The following AKAP10 variants were observed in gnomAD, a reference collection of about 807,000 sequenced individuals.
AKAP10 encodes the protein A-kinase anchor protein 10, mitochondrial.
AKAP10 carries 24 observed loss-of-function variants against 80.8 expected under a neutral mutation model. The ratio of observed to expected loss-of-function variants is 0.30; its 90% CI spans 0.22 to 0.42. The LOEUF is 0.42. Ranked by LOEUF, AKAP10 falls within the 10% of genes least tolerant of loss-of-function variation. The pLI is 1.00. For missense variants in AKAP10, 661 were observed against 794.9 expected, an observed-to-expected ratio of 0.83 and a Z score of 2.03; for synonymous variants, 291 against 277.7, an observed-to-expected ratio of 1.05 and a Z score of -0.48.
At position 19,958,154 on chromosome 17, in the gene AKAP10, T is replaced by C. The variant is rs373051926; in HGVS notation, c.737A>G (p.His246Arg). The C allele has an allele frequency of 3.0e-5, 49 of 1,613,996 alleles. No individual in the cohort carries two copies. The highest frequency in any genetic ancestry group is 4.0e-5 in the Non-Finnish European group (47 of 1,179,986). The change falls in exon 4 of 15, where the codon CAT (histidine) becomes CGT (arginine). Residue 246 changes from histidine to arginine, a missense_variant. Transcript: ENST00000225737. ...TCTGGCCATTTCAAGACGGAGAGAA[T>C]GGGCACTGTCACATTCCTGGGAAAG... Reference protein sequence around the residue: ...LLLSQECDSAHSLRLEMARAG... With the variant: ...LLLSQECDSARSLRLEMARAG...
At chr17:19,969,538 G>GTT (rs200746620) in intron 1 of AKAP10, among the ~76,000 whole-genome samples, 8 of 143,260 alleles carry the variant, frequency 5.6e-5, no homozygotes, top group Non-Finnish European at 9.2e-5. Context: ...CTCTTTTCTT[G>GTT]TTTTTTTTTT....
At chr17:19,921,309 G>A (rs1021215280) in intron 11 of AKAP10, among the ~76,000 whole-genome samples, 1 of 151,580 alleles carries the variant, frequency 6.6e-6, no homozygotes, top group Non-Finnish European at 1.5e-5. Flanking sequence ...CTGGGACTAC[G>A]GGTGCGCCAC....
intron 1 of AKAP10, among the ~76,000 whole-genome samples, chr17:19,971,178 T>TA (rs1442965207): frequency 6.6e-6 from 1 of 152,018 alleles, no homozygotes; most frequent in Admixed American, 6.6e-5. Flanking sequence ...CATGTATGTG[T>TA]ATTTTTTTTA....
intron 2 of AKAP10, among the ~76,000 whole-genome samples, chr17:19,963,418 C>T (rs969822670): frequency 6.6e-6 from 1 of 152,028 alleles, no homozygotes; most frequent in Non-Finnish European, 1.5e-5. Flanking sequence ...TCTCAAAATA[C>T]TGTGCCAAAA....
At chr17:19,974,714 T>C (rs2043544048) in intron 1 of AKAP10, among the ~76,000 whole-genome samples, 1 of 152,160 alleles carries the variant, frequency 6.6e-6, no homozygotes, top group Non-Finnish European at 1.5e-5. Context: ...TGATTTTTTT[T>C]TTTTTTTGAG....
chr17:19,965,531 G>A (rs2043405683), intron 2 of AKAP10, among the ~76,000 whole-genome samples: 1 of 152,056 alleles, frequency 6.6e-6, no homozygotes, highest in Non-Finnish European at 1.5e-5. Context: ...CAATCTTTCT[G>A]TAAAAATCTC....
chr17:19,942,564 G>C (rs970997954), intron 5 of AKAP10, among the ~76,000 whole-genome samples: 6 of 152,114 alleles, frequency 3.9e-5, no homozygotes, highest in African/African-American at 1.4e-4. Flanking sequence ...TTCTATTTCT[G>C]GGATTGTAAC....
At chr17:19,925,680 A>G (rs1421934334) in intron 10 of AKAP10, among the ~76,000 whole-genome samples, 2 of 152,208 alleles carry the variant, frequency 1.3e-5, no homozygotes, top group African/African-American at 4.8e-5. Flanking sequence ...AAAATAATTG[A>G]ACAGACACTT....
chr17:19,906,194 C>A lies in AKAP10; in HGVS notation c.*33G>T. 6.2e-7 allele frequency: 1 copy of A among 1,600,428 alleles called. No individual in the cohort carries two copies. The stretch of plus-strand genomic sequence containing the variant: ...AAGGGAAAAAAGTTCTCTTATTTTT[C>A]ACAAGCAGATTTCCTTTATCTCAAG... On this transcript the variant is annotated 3_prime_UTR_variant, in exon 15 of 15. Transcript: ENST00000225737.
intron 12 of AKAP10, among the ~76,000 whole-genome samples, chr17:19,913,306 C>A (rs1312424813): frequency 6.6e-6 from 1 of 152,178 alleles, no homozygotes; most frequent in Non-Finnish European, 1.5e-5. Context: ...GCGCGTGCCA[C>A]CATGCCTGGC....
At chr17:19,929,416 C>T (rs1281620528) in intron 10 of AKAP10, 1 of 152,104 alleles carries the variant, frequency 6.6e-6, no homozygotes, top group African/African-American at 2.4e-5. Flanking sequence ...ACAGGTAATG[C>T]TAATCTATGC....
At position 19,957,399 on chromosome 17, in the gene AKAP10, G is replaced by A. The variant is rs145450172; in HGVS notation, c.877+615C>T. Among the ~76,000 whole-genome samples the A allele has an allele frequency of 2.7e-3, 404 of 151,854 alleles. 1 individual carries two copies. The highest frequency in any genetic ancestry group is 9.1e-3 in the African/African-American group (378 of 41,440). On this transcript the variant is annotated intron_variant, in intron 4 of 14. Transcript: ENST00000225737. ...TACTAAAAATACAAAAAAATTAGCCGGGTGTGGTGGCAGGCGCCTGTAGTC... is the reference window on the plus strand; with the variant it reads ...TACTAAAAATACAAAAAAATTAGCCAGGTGTGGTGGCAGGCGCCTGTAGTC...
chr17:19,939,924 A>C, intron 7 of AKAP10, 75 bp from the exon 8 acceptor site: 12 of 1,477,042 alleles, frequency 8.1e-6, no homozygotes, highest in South Asian at 1.4e-5. Context: ...CTATAAGCTC[A>C]AATATTAAAA....
chr17:19,955,214 G>A (rs1170966172), intron 4 of AKAP10, among the ~76,000 whole-genome samples: 2 of 150,716 alleles, frequency 1.3e-5, no homozygotes, highest in African/African-American at 4.9e-5. Flanking sequence ...AGAGCAAGAC[G>A]CTGTCTCAAA....
intron 5 of AKAP10, among the ~76,000 whole-genome samples, chr17:19,943,367 C>T (rs774560384): frequency 1.3e-5 from 2 of 152,136 alleles, no homozygotes; most frequent in Non-Finnish European, 1.5e-5. Context: ...ACCAACCTCC[C>T]GGGATGAGGG....
chr17:19,912,981 C>CTTT (rs544057778), intron 12 of AKAP10, among the ~76,000 whole-genome samples: 6 of 141,552 alleles, frequency 4.2e-5, no homozygotes, highest in African/African-American at 1.3e-4. Context: ...TTCTTTCTTT[C>CTTT]TTTTTTTTTT....
chr17:19,947,136 G>A (rs970402799), intron 5 of AKAP10: 27 of 407,258 alleles, frequency 6.6e-5, no homozygotes, highest in Non-Finnish European at 9.9e-5. Flanking sequence ...TAGCGTAGCC[G>A]CCCGCCGGCC....
chr17:19,922,572 A>T (rs1011207173), intron 11 of AKAP10, among the ~76,000 whole-genome samples: 2 of 152,124 alleles, frequency 1.3e-5, no homozygotes, highest in Middle Eastern at 3.2e-3. Context: ...ATGAAGAAAA[A>T]TTATCATTTC....
At chr17:19,955,859 G>C (rs2043269642) in intron 4 of AKAP10, among the ~76,000 whole-genome samples, 1 of 151,916 alleles carries the variant, frequency 6.6e-6, no homozygotes, top group African/African-American at 2.4e-5. Flanking sequence ...TACAGAAACA[G>C]ACTTTGGACT....
Sources: allele counts gnomAD v4.1 joint callset (sites outside exome capture counted in the v4.1 genomes callset), GRCh38; gene constraint gnomAD v4.1.1; transcripts MANE v1.5; gene names NCBI Gene and HGNC (gene_info 2026-07-23, HGNC 2026-07-21).